PRKN: variants seen among roughly 807,000 people sequenced by gnomAD.
The protein encoded by PRKN is E3 ubiquitin-protein ligase parkin.
PRKN carries 56 observed loss-of-function variants against 59.5 expected under a neutral mutation model. The ratio of observed to expected loss-of-function variants is 0.94; its 90% CI spans 0.76 to 1.18. PRKN has a LOEUF of 1.18. Ranked by LOEUF, PRKN falls within the 50% of genes most tolerant of loss-of-function variation. The probability of loss-of-function intolerance (pLI) is 0.00; values close to 1 mark genes in which losing one functional copy is unlikely to be tolerated. For synonymous variants in PRKN, 250 were observed against 222.1 expected (o/e 1.13, Z -1.12); for missense variants, 657 against 596.4 (o/e 1.10, Z -1.06).
chr6:161,841,865 AC>A (rs1793000388), intron 6 of PRKN, among the ~76,000 whole-genome samples: 1 of 151,854 alleles, frequency 6.6e-6, no homozygotes, highest in South Asian at 2.1e-4. Flanking sequence ...CTATCCAACA[AC>A]CCCCAACCAC....
chr6:162,512,134 C>A (rs192084207), intron 1 of PRKN, among the ~76,000 whole-genome samples: 2 of 152,230 alleles, frequency 1.3e-5, no homozygotes, highest in Admixed American at 1.3e-4. Flanking sequence ...CAATATGTAA[C>A]AAATTAAAGT....
At chr6:162,009,836 T>C (rs1188002410) in intron 5 of PRKN, among the ~76,000 whole-genome samples, 1 of 151,758 alleles carries the variant, frequency 6.6e-6, no homozygotes, top group Non-Finnish European at 1.5e-5. Flanking sequence ...CTCTGGAGGC[T>C]GAGGCATGAT....
At chr6:161,374,642 G>GGTGTGT (rs1236287572) in intron 10 of PRKN, among the ~76,000 whole-genome samples, 1 of 3,016 alleles carries the variant, frequency 3.3e-4, no homozygotes, top group Non-Finnish European at 6.5e-4. Flanking sequence ...ATGTATGTGT[G>GGTGTGT]GTGTGTGTGT....
intron 6 of PRKN, among the ~76,000 whole-genome samples, chr6:161,949,604 G>A (rs1038128432): frequency 2.6e-5 from 4 of 152,198 alleles, no homozygotes; most frequent in African/African-American, 9.7e-5. Flanking sequence ...CCCTCTGCAA[G>A]TGGATCCCCC....
chr6:162,321,587 G>A (rs1002237899), intron 2 of PRKN, among the ~76,000 whole-genome samples: 6 of 151,732 alleles, frequency 4.0e-5, no homozygotes, highest in East Asian at 3.9e-4. Context: ...AAAGAAAACC[G>A]AAAATGAATA....
chr6:162,446,237 G>T (rs1790312062), intron 1 of PRKN, among the ~76,000 whole-genome samples: 1 of 152,152 alleles, frequency 6.6e-6, no homozygotes, highest in Admixed American at 6.6e-5. Flanking sequence ...AGGGACAAAA[G>T]ATATGACCCC....
chr6:162,385,688 C>T (rs10452577), intron 2 of PRKN, among the ~76,000 whole-genome samples: 63,378 of 151,746 alleles, frequency 0.42, 13,918 homozygotes, highest in East Asian at 0.71. Context: ...CATGCAGACA[C>T]GATGGAGTGG....
chr6:162,176,006 A>T (rs1783514142), intron 4 of PRKN, among the ~76,000 whole-genome samples: 1 of 152,192 alleles, frequency 6.6e-6, no homozygotes, highest in African/African-American at 2.4e-5. Context: ...GGATTCTTTT[A>T]TAATTAGTTG....
At position 162,262,637 on chromosome 6, in the gene PRKN, C is replaced by G. The variant is rs1256316516; in HGVS notation, c.300G>C (p.Gln100His). Residue 100 changes from glutamine (Q) to histidine (H), a missense_variant, in exon 3 of 12, where the codon CAG (glutamine) becomes CAC (histidine). Physicochemically the swap from Gln to His is conservative, Grantham distance 24. Coordinates refer to ENST00000366898, the MANE Select transcript of PRKN (RefSeq NM_004562.3). ...NAAGGCEREP[Q>H]SLTRVDLSSS... ...TGCTGAGGTCCACCCGAGTCAAGCT[C>G]TGGGGCTCCCGCTCACAGCCTCCCG... The G allele has an allele frequency of 6.8e-6, 11 of 1,613,846 alleles. No individual in the cohort carries two copies. The highest frequency in any genetic ancestry group is 9.3e-6 in the Non-Finnish European group (11 of 1,179,994).
In PRKN at chr6:161,552,457, T is replaced by TCCCGCATAC. The variant is rs144005530; in HGVS notation, c.934-3455_934-3454insGTATGCGGG. On this transcript the variant is annotated intron_variant, in intron 8 of 11. Transcript: ENST00000366898. This position sits in a 1 kb window ranked among gnomAD's most constrained non-coding sequence, Gnocchi z 4.9. ...CCTCTCTCCCTCAGCTCTGTTCACC[T>TCCCGCATAC]CCGCCTATGACTGTGAATGATCTCA... 7.1e-4 allele frequency among the ~76,000 whole-genome samples: 31 copies of TCCCGCATAC among 43,706 alleles called. 3 individuals are homozygous for TCCCGCATAC. Among genetic ancestry groups the TCCCGCATAC allele is most frequent in the East Asian group, 3.9e-3 (2 of 518 alleles). 28.7% of individuals were successfully genotyped at this position (43,706 alleles called of 152,430 possible). A position where few individuals can be genotyped will look rare whatever the true frequency, so the allele number is the denominator to read the frequency against.
intron 2 of PRKN, among the ~76,000 whole-genome samples, chr6:162,304,582 C>CCTGT (rs1346989367): frequency 6.7e-6 from 1 of 149,836 alleles, no homozygotes; most frequent in Non-Finnish European, 1.5e-5. Context: ...TATCCATCTA[C>CCTGT]CTGTCTATCT....
intron 4 of PRKN, among the ~76,000 whole-genome samples, chr6:162,098,026 A>G (rs1779813906): frequency 6.6e-6 from 1 of 152,212 alleles, no homozygotes; most frequent in African/African-American, 2.4e-5. Flanking sequence ...CCCTGAGGAC[A>G]AGGCTCATGG....
At chr6:161,415,154 G>A (rs1413206600) in intron 9 of PRKN, among the ~76,000 whole-genome samples, 1 of 152,092 alleles carries the variant, frequency 6.6e-6, no homozygotes, top group African/African-American at 2.4e-5. Context: ...ACCGGAGAGG[G>A]GCACCAAGAG....
At position 162,653,090 on chromosome 6, in the gene PRKN, G is replaced by A. The variant is rs1444991938; in HGVS notation, c.7+74572C>T. ...TACTAGCTGTCATAAACAATTTTAA[G>A]TGAAGTCTTTGGGTTTCTTGCTCTA... On this transcript the variant is annotated intron_variant, in intron 1 of 11. Coordinates refer to ENST00000366898, the MANE Select transcript of PRKN (RefSeq NM_004562.3). Among the ~76,000 whole-genome samples the A allele has an allele frequency of 5.9e-5, 9 of 152,282 alleles. No homozygotes were observed. The East Asian group carries it at 1.7e-3, about 29-fold the overall frequency.
chr6:162,267,230 A>G (rs1461452845), intron 2 of PRKN: 1 of 152,148 alleles, frequency 6.6e-6, no homozygotes, highest in Non-Finnish European at 1.5e-5. Flanking sequence ...CTGTTTCTGA[A>G]ATCATTAATT....
At position 161,433,060 on chromosome 6, in the gene PRKN, T is replaced by A. The variant is rs183437010; in HGVS notation, c.1084-46183A>T. On this transcript the variant is annotated intron_variant, in intron 9 of 11. Transcript: ENST00000366898. ...CTTCTAATTCTTTGTTCCTGAAGAT[T>A]TTGAAAAATAAAAATATGTTTTGAT... Among the ~76,000 whole-genome samples the A allele has an allele frequency of 1.5e-3, 230 of 152,312 alleles. 3 individuals carry two copies. Among genetic ancestry groups the A allele is most frequent in the South Asian group, 9.5e-3 (46 of 4,832 alleles).
At chr6:161,940,372 G>C (rs1251208790) in intron 6 of PRKN, among the ~76,000 whole-genome samples, 2 of 152,202 alleles carry the variant, frequency 1.3e-5, no homozygotes, top group African/African-American at 4.8e-5. Context: ...GAGCCATTGA[G>C]ACCACCTGTT....
chr6:161,967,602 A>G (rs1373445438), intron 6 of PRKN, among the ~76,000 whole-genome samples: 2 of 152,252 alleles, frequency 1.3e-5, no homozygotes, highest in Non-Finnish European at 2.9e-5. Context: ...GTATATTTGT[A>G]AAGCACAAAA....
rs1454265932 is a variant in PRKN, at chr6:161,497,571, T to A, written c.1083+51283A>T. Reference sequence around the variant, plus strand: ...GCTTACATGTCTCTCTCTCTCTCTCTCTCTCTCACACACACACACACACAC... The same window carrying A: ...GCTTACATGTCTCTCTCTCTCTCTCACTCTCTCACACACACACACACACAC... On this transcript the variant is annotated intron_variant, in intron 9 of 11. Coordinates refer to ENST00000366898, the MANE Select transcript of PRKN (RefSeq NM_004562.3). This position sits in a 1 kb window ranked among gnomAD's most constrained non-coding sequence, Gnocchi z 4.6. 2.9e-4 allele frequency among the ~76,000 whole-genome samples: 39 copies of A among 134,140 alleles called. No individual in the cohort carries two copies. Among genetic ancestry groups the A allele is most frequent in the Middle Eastern group, 4.1e-3 (1 of 242 alleles). The allele number at this position is 134,140 out of a possible 152,430, so 88.0% of individuals were successfully genotyped here. A position where few individuals can be genotyped will look rare whatever the true frequency, so the allele number is the denominator to read the frequency against.
Sources: allele counts gnomAD v4.1 joint callset (sites outside exome capture counted in the v4.1 genomes callset), GRCh38; gene constraint gnomAD v4.1.1; non-coding constraint Gnocchi (gnomAD v3.1); transcripts MANE v1.5; gene names NCBI Gene and HGNC (gene_info 2026-07-23, HGNC 2026-07-21).